The following REEP3 variants were observed in gnomAD, a reference collection of about 807,000 sequenced individuals.
REEP3 encodes the protein receptor expression-enhancing protein 3.
REEP3 carries 20 observed loss-of-function variants against 41.3 expected under a neutral mutation model. That is an observed-to-expected ratio of 0.48 (90% confidence interval 0.34 to 0.70). REEP3 has a LOEUF of 0.70. REEP3 is among the 30% of genes least tolerant of loss of function. REEP3 has a pLI of 0.01. For missense variants in REEP3, 271 were observed against 308.8 expected (o/e 0.88, Z 0.92); for synonymous variants, 104 against 101.8 (o/e 1.02, Z -0.13).
chr10:63,599,468 T>C (rs1047927443), intron 5 of REEP3, among the ~76,000 whole-genome samples, 185 bp downstream of exon 5: 1 of 152,254 alleles, frequency 6.6e-6, no homozygotes, highest in African/African-American at 2.4e-5. Context: ...ATTTTGAATC[T>C]CTTAATTCAT....
chr10:63,616,054 T>C (rs1032912759), intron 6 of REEP3, among the ~76,000 whole-genome samples: 5 of 152,220 alleles, frequency 3.3e-5, no homozygotes, highest in Non-Finnish European at 7.3e-5. Flanking sequence ...GTTACTCTTC[T>C]GCTTAAAACA....
At chr10:63,546,293 T>C (rs1232236051) in intron 1 of REEP3, among the ~76,000 whole-genome samples, 1 of 151,872 alleles carries the variant, frequency 6.6e-6, no homozygotes, top group Non-Finnish European at 1.5e-5. Flanking sequence ...AACCAGCGAG[T>C]AGTGGTGAGT....
At chr10:63,554,951 G>C (rs2163188) in intron 1 of REEP3, among the ~76,000 whole-genome samples, 71,734 of 151,950 alleles carry the variant, frequency 0.47, 17,222 homozygotes, top group Middle Eastern at 0.55. Context: ...GGCTAGTGGG[G>C]AGAGAGTGAG....
intron 1 of REEP3, among the ~76,000 whole-genome samples, chr10:63,545,387 AT>A (rs1169748698): frequency 6.6e-6 from 1 of 151,600 alleles, no homozygotes; most frequent in African/African-American, 2.4e-5. Flanking sequence ...TTATTTATTT[AT>A]TTTTTTTGAT....
At chr10:63,549,885 G>A (rs1377240202) in intron 1 of REEP3, among the ~76,000 whole-genome samples, 1 of 152,078 alleles carries the variant, frequency 6.6e-6, no homozygotes, top group East Asian at 1.9e-4. Context: ...AATACAAGAG[G>A]CATATTGAGG....
At chr10:63,562,856 T>C in intron 1 of REEP3, 1 of 448,210 alleles carries the variant, frequency 2.2e-6, no homozygotes, top group Non-Finnish European at 4.5e-6. Flanking sequence ...CTGAATTCTG[T>C]CTCCCCAAAC....
chr10:63,612,284 G>GT (rs1956282375), intron 6 of REEP3, among the ~76,000 whole-genome samples: 2 of 152,102 alleles, frequency 1.3e-5, no homozygotes, highest in South Asian at 4.2e-4. Context: ...AAGTGATTCT[G>GT]TGTCAGCCTT....
Position 63,598,040 on chromosome 10 carries a change from G to A in REEP3, c.199G>A (p.Glu67Lys). 1 of 1,610,056 alleles carries A rather than the reference G, an allele frequency of 6.2e-7. No homozygotes were observed. The highest frequency in any genetic ancestry group is 8.5e-7 in the Non-Finnish European group (1 of 1,177,324). The change falls in exon 4 of 8, where the codon GAG (glutamate) becomes AAG (lysine). Residue 67 changes from glutamate to lysine, a missense_variant. Glu to Lys is a moderately conservative substitution (Grantham distance 56). Transcript: ENST00000373758. ...TCTTATTAGGTTTCCCCTGTACTAT[G>A]AGCTGAAGATTGCTTTTGTCATATG... ...QTVAWFPLYY[E>K]LKIAFVIWLL...
chr10:63,591,589 C>G (rs1956064622), intron 2 of REEP3, among the ~76,000 whole-genome samples: 1 of 152,194 alleles, frequency 6.6e-6, no homozygotes, highest in Non-Finnish European at 1.5e-5. Flanking sequence ...AGCCTTTTCT[C>G]TCTCTTTTAT....
intron 6 of REEP3, among the ~76,000 whole-genome samples, chr10:63,610,636 A>T (rs1338875236): frequency 6.6e-6 from 1 of 152,216 alleles, no homozygotes; most frequent in Non-Finnish European, 1.5e-5. Flanking sequence ...GCTTGTGGAT[A>T]GTAAAATAAT....
At chr10:63,559,056 GCTAA>G (rs1176545136) in intron 1 of REEP3, among the ~76,000 whole-genome samples, 1 of 152,028 alleles carries the variant, frequency 6.6e-6, no homozygotes, top group African/African-American at 2.4e-5. Context: ...GGGGAATTTG[GCTAA>G]CTAATTCTTG....
intron 2 of REEP3, among the ~76,000 whole-genome samples, chr10:63,586,855 T>G (rs1956012242): frequency 6.6e-6 from 1 of 152,128 alleles, no homozygotes; most frequent in Admixed American, 6.5e-5. Flanking sequence ...AATAAGTATT[T>G]TTGAGCTTCT....
rs67568146 is a variant in REEP3 at position 63,622,705 on chromosome 10, C to CTTTTTTTTTTTTTTTTTTT, written c.*1838_*1856dup. 2.1e-4 allele frequency: 24 copies of CTTTTTTTTTTTTTTTTTTT among 116,604 alleles called. 1 individual carries two copies. The highest frequency in any genetic ancestry group is 7.5e-4 in the African/African-American group (21 of 28,060). The allele number at this position is 116,604 out of a possible 1,614,324, so 7.2% of individuals were successfully genotyped here. ...TGGGAGCTGATTTGCACCATTTTAC[C>CTTTTTTTTTTTTTTTTTTT]TTTTTTTTTTTTTTTTTTTTGAGAC... On this transcript the variant is annotated 3_prime_UTR_variant, in exon 8 of 8. Coordinates refer to ENST00000373758, the MANE Select transcript of REEP3 (RefSeq NM_001001330.3).
chr10:63,552,450 A>T (rs1311106545), intron 1 of REEP3, among the ~76,000 whole-genome samples: 1 of 152,202 alleles, frequency 6.6e-6, no homozygotes, highest in African/African-American at 2.4e-5. Flanking sequence ...TGAACTATTA[A>T]TACCTAAAGT....
At chr10:63,571,413 C>G (rs897444076) in intron 2 of REEP3, among the ~76,000 whole-genome samples, 1 of 152,170 alleles carries the variant, frequency 6.6e-6, no homozygotes, top group Non-Finnish European at 1.5e-5. Flanking sequence ...TCTACTCCAG[C>G]TTCTACAGGC....
chr10:63,581,707 C>T (rs1589875426), intron 2 of REEP3, among the ~76,000 whole-genome samples: 2 of 150,914 alleles, frequency 1.3e-5, no homozygotes, highest in Non-Finnish European at 2.9e-5. Flanking sequence ...TGTGCCACTG[C>T]ATTCTAGCCT....
At chr10:63,614,292 G>A (rs1231089214) in intron 6 of REEP3, among the ~76,000 whole-genome samples, 1 of 152,118 alleles carries the variant, frequency 6.6e-6, no homozygotes, top group African/African-American at 2.4e-5. Flanking sequence ...ATCTATTGCT[G>A]CATAATAAGC....
chr10:63,558,253 G>A (rs946028950), intron 1 of REEP3, among the ~76,000 whole-genome samples: 1 of 152,166 alleles, frequency 6.6e-6, no homozygotes, highest in Non-Finnish European at 1.5e-5. Context: ...GGTTTACCTA[G>A]CTCCTGTCCT....
intron 2 of REEP3, among the ~76,000 whole-genome samples, chr10:63,592,619 G>T (rs910461571): frequency 6.6e-6 from 1 of 152,134 alleles, no homozygotes; most frequent in African/African-American, 2.4e-5. Flanking sequence ...GGCCGGGCGC[G>T]GTGGCTCATG....
Sources: allele counts gnomAD v4.1 joint callset (sites outside exome capture counted in the v4.1 genomes callset), GRCh38; gene constraint gnomAD v4.1.1; transcripts MANE v1.5; gene names NCBI Gene and HGNC (gene_info 2026-07-23, HGNC 2026-07-21).